The following RORA variants were observed in gnomAD, a reference collection of about 807,000 sequenced individuals.
The protein encoded by RORA is RAR related orphan receptor A.
In RORA, 7 loss-of-function variants were observed where a neutral mutation model predicts 69.5. That is an observed-to-expected ratio of 0.10 (90% confidence interval 0.06 to 0.19). RORA has a LOEUF of 0.19. Among genes scored for constraint, RORA ranks in the 10% least tolerant of loss-of-function variants. RORA has a pLI of 1.00. For missense variants in RORA, 457 were observed against 663.0 expected, an observed-to-expected ratio of 0.69 and a Z score of 3.41; for synonymous variants, 261 against 240.8, an observed-to-expected ratio of 1.08 and a Z score of -0.78.
chr15:60,970,025 C>T (rs1893668080), intron 1 of RORA, among the ~76,000 whole-genome samples: 1 of 152,166 alleles, frequency 6.6e-6, no homozygotes, highest in Admixed American at 6.5e-5. Flanking sequence ...TTCTCTCTCT[C>T]TCCAAAAAGA....
chr15:60,681,905 T>C (rs2070647665), intron 1 of RORA: 1 of 152,190 alleles, frequency 6.6e-6, no homozygotes, highest in Admixed American at 6.5e-5. Context: ...TTGGGAGAAT[T>C]AGGCTTACTA....
At chr15:61,009,809 C>T (rs920516863) in intron 1 of RORA, among the ~76,000 whole-genome samples, 55 of 152,248 alleles carry the variant, frequency 3.6e-4, no homozygotes, top group African/African-American at 1.2e-3. Context: ...CATTAATTTG[C>T]TAATTGGTGT....
At chr15:60,827,322 G>A (rs767048952) in intron 1 of RORA, among the ~76,000 whole-genome samples, 4 of 152,178 alleles carry the variant, frequency 2.6e-5, no homozygotes, top group African/African-American at 4.8e-5. Flanking sequence ...CAAACAATGC[G>A]TTAGCTCGTG....
At chr15:61,052,957 G>T (rs1487491572) in intron 1 of RORA, among the ~76,000 whole-genome samples, 1 of 152,232 alleles carries the variant, frequency 6.6e-6, no homozygotes, top group East Asian at 1.9e-4. Flanking sequence ...AAGTGCTTTG[G>T]GACTAAATTG....
chr15:60,858,800 G>C (rs559061460), intron 1 of RORA, among the ~76,000 whole-genome samples: 9 of 151,948 alleles, frequency 5.9e-5, no homozygotes, highest in Non-Finnish European at 1.3e-4. Flanking sequence ...TGCTGAGAAT[G>C]GGATTGCTCG....
chr15:60,957,435 C>T (rs1025799816), intron 1 of RORA, among the ~76,000 whole-genome samples: 1 of 152,210 alleles, frequency 6.6e-6, no homozygotes, highest in Admixed American at 6.5e-5. Context: ...AGCTGTTGTT[C>T]CAACAGTTCT....
chr15:60,700,593 C>T (rs2070968177), intron 1 of RORA, among the ~76,000 whole-genome samples: 1 of 149,264 alleles, frequency 6.7e-6, no homozygotes, highest in Non-Finnish European at 1.5e-5. Flanking sequence ...GGAATCTTTT[C>T]ACTGGTGTAT....
At chr15:60,562,829 A>G (rs995082592) in intron 2 of RORA, among the ~76,000 whole-genome samples, 2 of 152,052 alleles carry the variant, frequency 1.3e-5, no homozygotes, top group African/African-American at 4.8e-5. Context: ...GTCCTGCCTC[A>G]GACTCCCAAA....
rs147344217 is a variant in RORA, at chr15:61,168,703, T to C, written c.166+60350A>G. ...TCATTAAATGATACATGAAGCGTTTTATGGTTCCCCTCACCAGGAGTCTGC... is the reference window on the plus strand; with the variant it reads ...TCATTAAATGATACATGAAGCGTTTCATGGTTCCCCTCACCAGGAGTCTGC... On this transcript the variant is annotated intron_variant, in intron 1 of 10. Transcript: ENST00000335670. Among the ~76,000 whole-genome samples, 697 of 152,300 alleles carry C rather than the reference T, an allele frequency of 4.6e-3. 3 individuals are homozygous for C. Among genetic ancestry groups the C allele is most frequent in the Non-Finnish European group, 7.4e-3 (503 of 68,022 alleles).
intron 2 of RORA, among the ~76,000 whole-genome samples, chr15:60,671,564 C>T (rs942930434): frequency 1.3e-5 from 2 of 151,088 alleles, no homozygotes; most frequent in Non-Finnish European, 3.0e-5. Flanking sequence ...ATCTCTTGAG[C>T]TAAAGAGTTC....
At chr15:61,018,534 A>G (rs1173101680) in intron 1 of RORA, among the ~76,000 whole-genome samples, 1 of 152,184 alleles carries the variant, frequency 6.6e-6, no homozygotes, top group African/African-American at 2.4e-5. Context: ...GAAAAACTCC[A>G]CATGCACAGG....
intron 1 of RORA, among the ~76,000 whole-genome samples, chr15:60,983,482 G>A (rs1894107078): frequency 6.6e-6 from 1 of 152,126 alleles, no homozygotes; most frequent in African/African-American, 2.4e-5. Context: ...TCCTGATCTG[G>A]GAGAGATTTT....
Position 60,921,369 on chromosome 15 carries a change from G to A in RORA, c.167-242683C>T, listed in dbSNP as rs1026602641. ...AATGAAAAGGAAAGACCCATTGCAGGCATCAACATGGACAAATTCTATGCA... is the reference window on the plus strand; with the variant it reads ...AATGAAAAGGAAAGACCCATTGCAGACATCAACATGGACAAATTCTATGCA... On this transcript the variant is annotated intron_variant, in intron 1 of 10. Coordinates refer to ENST00000335670, the MANE Select transcript of RORA (RefSeq NM_134261.3). 3.6e-4 allele frequency among the ~76,000 whole-genome samples: 55 copies of A among 152,166 alleles called. 1 individual carries two copies. Among genetic ancestry groups the A allele is most frequent in the African/African-American group, 1.3e-3 (54 of 41,460 alleles).
At chr15:60,570,379 G>A (rs1305641319) in intron 2 of RORA, among the ~76,000 whole-genome samples, 1 of 152,138 alleles carries the variant, frequency 6.6e-6, no homozygotes, top group Admixed American at 6.5e-5. Flanking sequence ...ACCCAGGCTG[G>A]AGGGTAGTGG....
intron 1 of RORA, among the ~76,000 whole-genome samples, chr15:61,089,938 C>T (rs1334985509): frequency 6.6e-6 from 1 of 152,206 alleles, no homozygotes; most frequent in African/African-American, 2.4e-5. Flanking sequence ...TAAAACTAAG[C>T]AAATGAATCA....
chr15:60,976,174 C>G (rs530312779), intron 1 of RORA, among the ~76,000 whole-genome samples: 3 of 152,288 alleles, frequency 2.0e-5, no homozygotes, highest in Non-Finnish European at 4.4e-5. Flanking sequence ...GTGGGCCTGG[C>G]CAGGTGGAGA....
At chr15:60,948,616 T>G (rs1233131705) in intron 1 of RORA, among the ~76,000 whole-genome samples, 1 of 152,144 alleles carries the variant, frequency 6.6e-6, no homozygotes, top group African/African-American at 2.4e-5. Context: ...CAAGTACCAT[T>G]TTCTCCTATT....
intron 2 of RORA, chr15:60,546,357 A>G (rs2140372571): frequency 6.6e-6 from 1 of 152,360 alleles, no homozygotes; most frequent in Admixed American, 6.5e-5. Flanking sequence ...CAAATACTTT[A>G]GCAGTGGCTA....
chr15:60,615,175 C>G, intron 2 of RORA: 1 of 957,000 alleles, frequency 1.0e-6, no homozygotes, highest in East Asian at 2.6e-5. Context: ...GTGCACTTGG[C>G]AGAGCTGATG....
Sources: allele counts gnomAD v4.1 joint callset (sites outside exome capture counted in the v4.1 genomes callset), GRCh38; gene constraint gnomAD v4.1.1; transcripts MANE v1.5; gene names NCBI Gene and HGNC (gene_info 2026-07-23, HGNC 2026-07-21).